P2RX6: variants seen among roughly 807,000 people sequenced by gnomAD.
The protein encoded by P2RX6 is purinergic receptor P2X 6, also known as P2X purinoceptor 6.
P2RX6 carries 62 observed loss-of-function variants against 54.2 expected under a neutral mutation model. The ratio of observed to expected loss-of-function variants is 1.14; its 90% CI spans 0.93 to 1.41. P2RX6 has a LOEUF of 1.41. P2RX6 is among the 40% of genes most tolerant of loss of function. The pLI is 0.00. For synonymous variants in P2RX6, 211 were observed against 231.9 expected, an observed-to-expected ratio of 0.91 and a Z score of 0.82; for missense variants, 541 against 566.3, an observed-to-expected ratio of 0.96 and a Z score of 0.45.
At position 21,015,902 on chromosome 22, in the gene P2RX6, C is replaced by T. The variant is rs775763388; in HGVS notation, c.165-40C>T. 4.5e-5 allele frequency: 69 copies of T among 1,543,480 alleles called. No homozygotes were observed. In the South Asian group the frequency reaches 7.4e-4, roughly 17 times the overall value. ...GCTCAGCTCCGCCCCTGTCACTACA[C>T]GCTGGGGACACACCACACTGCCCGA... On this transcript the variant is annotated intron_variant, in intron 1 of 11. Coordinates refer to ENST00000413302, the MANE Select transcript of P2RX6 (RefSeq NM_005446.5).
Position 21,026,613 on chromosome 22 carries a change from T to G in P2RX6, c.1322T>G (p.Leu441Arg), listed in dbSNP as rs1263523674. The G allele has an allele frequency of 4.4e-6, 7 of 1,579,794 alleles. No homozygotes were observed. Among genetic ancestry groups the G allele is most frequent in the Non-Finnish European group, 5.2e-6 (6 of 1,163,942 alleles). The change falls in exon 12 of 12, where the codon CTG becomes CGG. Residue 441 changes from leucine to arginine, a missense_variant. Physicochemically the swap from Leu to Arg is moderately radical, Grantham distance 102 (BLOSUM62 -2). Transcript: ENST00000413302. This position sits in a 1 kb window ranked among gnomAD's most constrained non-coding sequence, Gnocchi z 4.0. ...DTHLPTHSGS[L>R] ...CACTTGCCAACCCATTCCGGGAGCCTGTAGCCGTTCCCTGCTGGTTGAGAG... is the reference window on the plus strand; with the variant it reads ...CACTTGCCAACCCATTCCGGGAGCCGGTAGCCGTTCCCTGCTGGTTGAGAG...
intron 2 of P2RX6, 75 bp from the exon 3 acceptor site, chr22:21,017,914 A>C: frequency 1.1e-6 from 1 of 912,394 alleles, no homozygotes. Context: ...CTTCCCTCAT[A>C]AACCAGGCTG....
chr22:21,025,253 C>T (rs1928216257), intron 8 of P2RX6, among the ~76,000 whole-genome samples: 1 of 152,170 alleles, frequency 6.6e-6, no homozygotes, highest in African/African-American at 2.4e-5. Context: ...CCTTCTGCCA[C>T]CGAGCGTCAC....
At position 21,022,742 on chromosome 22, in the gene P2RX6, C is replaced by A. The variant is rs139449735; in HGVS notation, c.454C>A (p.His152Asn). Residue 152 changes from histidine (H) to asparagine (N), a missense_variant, in exon 4 of 12, where the codon CAC becomes AAC. His to Asn is a moderately conservative substitution (Grantham distance 68). Around this residue, in one of 2 missense-constraint regions of P2RX6, gnomAD observed 526 missense variants for 531.5 expected, o/e 0.99. Transcript: ENST00000413302. ...EDCPEGEGGT[H>N]SHGVKTGQCV... Reference sequence around the variant, plus strand: ...CTGCCCCGAAGGGGAGGGAGGCACACACAGCCACGGTAACTGTGGGCTCTG... The same window carrying A: ...CTGCCCCGAAGGGGAGGGAGGCACAAACAGCCACGGTAACTGTGGGCTCTG... The A allele has an allele frequency of 1.3e-6, 2 of 1,573,666 alleles. No homozygotes were observed. The highest frequency in any genetic ancestry group is 1.7e-6 in the Non-Finnish European group (2 of 1,161,426).
upstream of P2RX6, among the ~76,000 whole-genome samples, chr22:21,014,836 C>T (rs900385920): frequency 6.6e-6 from 1 of 152,186 alleles, no homozygotes; most frequent in African/African-American, 2.4e-5. Context: ...TCAACACCCT[C>T]CCCGCCCTGC....
intron 8 of P2RX6, among the ~76,000 whole-genome samples, chr22:21,025,522 G>A (rs1282021836): frequency 6.6e-6 from 1 of 152,182 alleles, no homozygotes; most frequent in Non-Finnish European, 1.5e-5. Context: ...TCCCATCTCT[G>A]GAATCCCTCA....
intron 1 of P2RX6, 89 bp from the exon 2 acceptor site, chr22:21,015,853 T>G: frequency 7.3e-7 from 1 of 1,362,068 alleles, no homozygotes; most frequent in Non-Finnish European, 1.0e-6. Context: ...CTGTAGGGTG[T>G]GGGGGGAGAA....
At chr22:21,018,233 T>C in intron 3 of P2RX6, 173 bp downstream of exon 3, 2 of 615,336 alleles carry the variant, frequency 3.3e-6, no homozygotes, top group Admixed American at 4.9e-5. Flanking sequence ...TCTTCACATA[T>C]CCCCTGCCTG....
chr22:21,010,951 T>A (rs1445590138), upstream of P2RX6, among the ~76,000 whole-genome samples: 1 of 151,858 alleles, frequency 6.6e-6, no homozygotes. Context: ...CATGGCTGAC[T>A]CCTTCCCACC....
intron 2 of P2RX6, among the ~76,000 whole-genome samples, chr22:21,016,462 G>A (rs1288183714): frequency 5.3e-5 from 8 of 151,946 alleles, no homozygotes; most frequent in South Asian, 2.1e-4. Context: ...GGTGGTGGGC[G>A]CCTGTAGTCG....
intron 8 of P2RX6, among the ~76,000 whole-genome samples, chr22:21,024,794 C>T (rs1178183951): frequency 6.7e-6 from 1 of 150,122 alleles, no homozygotes; most frequent in Non-Finnish European, 1.5e-5. Flanking sequence ...TGGTCTCGAA[C>T]TTCTGACCTC....
chr22:21,015,478 G>A, intron 1 of P2RX6, 140 bp downstream of exon 1: 4 of 943,822 alleles, frequency 4.2e-6, no homozygotes, highest in Non-Finnish European at 6.2e-6. Context: ...CGGGGTTGGG[G>A]AGAGCTAGGC....
chr22:21,017,794 C>T (rs565723306), intron 2 of P2RX6, 195 bp from the exon 3 acceptor site: 2 of 667,584 alleles, frequency 3.0e-6, no homozygotes, highest in African/African-American at 3.5e-5. Flanking sequence ...TGGACATGGG[C>T]ACAAGGCTTC....
At chr22:21,024,943 C>T (rs1188181569) in intron 8 of P2RX6, among the ~76,000 whole-genome samples, 5 of 139,638 alleles carry the variant, frequency 3.6e-5, no homozygotes, top group South Asian at 4.7e-4. Context: ...TGCAGTGGCC[C>T]GATCTCGGCT....
At chr22:21,019,610 C>G (rs540364338) in intron 3 of P2RX6, among the ~76,000 whole-genome samples, 1 of 152,338 alleles carries the variant, frequency 6.6e-6, no homozygotes, top group South Asian at 2.1e-4. Context: ...CTGCCGAGAG[C>G]TTGGTCGGGG....
At chr22:21,011,307 C>T (rs1428541614), upstream of P2RX6, 15 of 583,916 alleles carry the variant, frequency 2.6e-5, no homozygotes, top group South Asian at 4.2e-5. Flanking sequence ...ATGTGCAGCG[C>T]GGTCCTGCCA....
chr22:21,019,852 G>A (rs2148035484), intron 3 of P2RX6, among the ~76,000 whole-genome samples: 1 of 152,396 alleles, frequency 6.6e-6, no homozygotes, highest in South Asian at 2.1e-4. Flanking sequence ...GTTAGCTGCA[G>A]CAGGAGCATG....
At chr22:21,022,824 G>A (rs1307807188) in intron 4 of P2RX6, 73 bp downstream of exon 4, 1 of 1,477,660 alleles carries the variant, frequency 6.8e-7, no homozygotes, top group Admixed American at 1.8e-5. Context: ...TGGCTCCTGA[G>A]TGCAGGCCCT....
intron 3 of P2RX6, among the ~76,000 whole-genome samples, chr22:21,020,526 A>G (rs939252422): frequency 6.6e-6 from 1 of 151,450 alleles, no homozygotes; most frequent in Non-Finnish European, 1.5e-5. Context: ...GGCAGGTCCT[A>G]TGATGGGACA....
Sources: gnomAD v4.1 joint callset for allele counts (sites outside exome capture counted in the v4.1 genomes callset) on GRCh38, gnomAD v4.1.1 for gene constraint, gnomAD v4.1.1 regional missense constraint, Gnocchi (gnomAD v3.1) non-coding constraint, MANE v1.5 for transcripts, NCBI Gene and HGNC (gene_info 2026-07-23, HGNC 2026-07-21) for gene names.